GPR141: variants seen among roughly 807,000 people sequenced by gnomAD.
GPR141 encodes the protein G protein-coupled receptor 141, also known as probable G protein-coupled receptor 141.
A neutral mutation model predicts 6.8 loss-of-function variants in GPR141; 6 were observed. The observed-to-expected ratio is 0.88, with a 90% CI of 0.48 to 1.74. The LOEUF (loss-of-function observed/expected upper bound fraction) is 1.74. Ranked by LOEUF, GPR141 falls within the 40% of genes most tolerant of loss-of-function variation. The pLI, the probability that GPR141 is intolerant of heterozygous loss-of-function variation, is 0.01. For synonymous variants in GPR141, 140 were observed against 142.3 expected, an observed-to-expected ratio of 0.98 and a Z score of 0.11; for missense variants, 372 against 372.9, an observed-to-expected ratio of 1.00 and a Z score of 0.02.
chr7:37,735,035 C>A (rs1812166380), intron 2 of GPR141, among the ~76,000 whole-genome samples: 2 of 152,150 alleles, frequency 1.3e-5, no homozygotes, highest in South Asian at 4.1e-4. Context: ...CAATTAATTT[C>A]AAGACTGTAA....
chr7:37,699,204 T>C (rs1325359316), intron 2 of GPR141, among the ~76,000 whole-genome samples: 2 of 152,186 alleles, frequency 1.3e-5, no homozygotes, highest in Non-Finnish European at 2.9e-5. Context: ...CTGTGGGCCA[T>C]AAAGTTTGTA....
chr7:37,742,824 C>G lies in GPR141; in HGVS notation c.*1513C>G, dbSNP rs756161505. On this transcript the variant is annotated 3_prime_UTR_variant, in exon 3 of 3. Transcript: ENST00000334425. ...GACACATGTTTACCTATGTAACAAA[C>G]CTGCACATGTACCCCTGAACTTAAA... Among the ~76,000 whole-genome samples, 9 of 152,058 alleles carry G rather than the reference C, an allele frequency of 5.9e-5. No individual in the cohort carries two copies. The highest frequency in any genetic ancestry group is 5.9e-4 in the Admixed American group (9 of 15,266).
chr7:37,741,321 A>G lies in GPR141; in HGVS notation c.*10A>G. On this transcript the variant is annotated 3_prime_UTR_variant, in exon 3 of 3. Coordinates refer to ENST00000334425, the MANE Select transcript of GPR141 (RefSeq NM_001381946.1). The stretch of plus-strand genomic sequence containing the variant: ...TGTTTTGTGCCGTTAGCCACAAACT[A>G]CAGTATTCATATTTGCTTCCTTTAT... 1.3e-6 allele frequency: 2 copies of G among 1,552,770 alleles called. No individual in the cohort carries two copies. Among genetic ancestry groups the G allele is most frequent in the Non-Finnish European group, 1.7e-6 (2 of 1,146,222 alleles).
intron 2 of GPR141, among the ~76,000 whole-genome samples, chr7:37,731,909 C>A (rs1165382926): frequency 6.6e-6 from 1 of 151,984 alleles, no homozygotes; most frequent in Non-Finnish European, 1.5e-5. Flanking sequence ...TGCTGGGGAG[C>A]CATCTTGGGA....
rs1408097796 is a variant in GPR141, at chr7:37,740,694, C to T, written c.301C>T (p.Leu101Phe). Residue 101 changes from leucine to phenylalanine, a missense_variant, in exon 3 of 3, where the codon CTC becomes TTC. By Grantham distance (22) the Leu-to-Phe change is conservative. Coordinates refer to ENST00000334425, the MANE Select transcript of GPR141 (RefSeq NM_001381946.1). ...VSAMLHIHMYLTFLFYVVILV... is the reference protein window; with the variant it reads ...VSAMLHIHMYFTFLFYVVILV... ...TGCCATGCTGCACATCCACATGTAC[C>T]TCACGTTCCTATTCTATGTGGTGAT... is the stretch of plus-strand genomic sequence containing the variant. 1.9e-6 allele frequency: 3 copies of T among 1,614,104 alleles called. No individual in the cohort carries two copies. Among genetic ancestry groups the T allele is most frequent in the South Asian group, 1.1e-5 (1 of 91,078 alleles).
chr7:37,688,895 T>G (rs1039516172), intron 2 of GPR141, among the ~76,000 whole-genome samples: 3 of 152,166 alleles, frequency 2.0e-5, no homozygotes, highest in South Asian at 4.1e-4. Flanking sequence ...CTTTTAAAAA[T>G]TATTATTATG....
chr7:37,722,903 G>C (rs1452608027), intron 2 of GPR141, among the ~76,000 whole-genome samples: 1 of 149,970 alleles, frequency 6.7e-6, no homozygotes, highest in African/African-American at 2.5e-5. Context: ...GAAAAATTCT[G>C]TTCTAATTTT....
intron 2 of GPR141, among the ~76,000 whole-genome samples, chr7:37,691,861 A>G (rs1205684710): frequency 6.6e-6 from 1 of 152,074 alleles, no homozygotes; most frequent in Admixed American, 6.6e-5. Flanking sequence ...CTGGCCTGTT[A>G]GATTTCTCTT....
chr7:37,724,280 A>G (rs1270078659), intron 2 of GPR141, among the ~76,000 whole-genome samples: 1 of 152,104 alleles, frequency 6.6e-6, no homozygotes, highest in East Asian at 1.9e-4. Flanking sequence ...GAAACTGCCT[A>G]AAAAATATAT....
chr7:37,714,508 A>G (rs1410059880), intron 2 of GPR141, among the ~76,000 whole-genome samples: 1 of 152,192 alleles, frequency 6.6e-6, no homozygotes, highest in Non-Finnish European at 1.5e-5. Flanking sequence ...GTTCTAGAGT[A>G]TTGGGTTTAT....
rs192684124 is a variant in GPR141 at position 37,730,278 on chromosome 7, C to T, written c.-14-10102C>T. On this transcript the variant is annotated intron_variant, in intron 2 of 2. Coordinates refer to ENST00000334425, the MANE Select transcript of GPR141 (RefSeq NM_001381946.1). The stretch of plus-strand genomic sequence containing the variant: ...ATACCATGTTCCAAATTCTGAGCTA[C>T]GGCACATGCTATATTTTTCTACAAA... 2.9e-3 allele frequency among the ~76,000 whole-genome samples: 442 copies of T among 152,244 alleles called. 2 individuals are homozygous for T. The highest frequency in any genetic ancestry group is 0.01 in the African/African-American group (418 of 41,534).
At chr7:37,686,007 A>C (rs1268443378) in intron 2 of GPR141, among the ~76,000 whole-genome samples, 4 of 151,906 alleles carry the variant, frequency 2.6e-5, no homozygotes, top group African/African-American at 9.7e-5. Context: ...ATGTTAAAAA[A>C]TATATTTTTG....
In GPR141 at chr7:37,741,271, A is replaced by G. The variant is rs1290886369; in HGVS notation, c.878A>G (p.Gln293Arg). The G allele has an allele frequency of 5.0e-6, 8 of 1,602,896 alleles. No homozygotes were observed. In the East Asian group the frequency reaches 1.1e-4, roughly 22 times the overall value. Residue 293 changes from glutamine (Q) to arginine (R), a missense_variant, in exon 3 of 3, where the codon CAA (glutamine) becomes CGA (arginine). Coordinates refer to ENST00000334425, the MANE Select transcript of GPR141 (RefSeq NM_001381946.1). The stretch of plus-strand genomic sequence containing the variant: ...TTTGGGGGAAGCCATTGGTTTAAGC[A>G]AAAGATAATTGGCTTATGGAATTGT... The part of the protein sequence containing the change: ...FVFGGSHWFK[Q>R]KIIGLWNCVL...
At chr7:37,703,548 C>T (rs550867477) in intron 2 of GPR141, among the ~76,000 whole-genome samples, 1 of 152,292 alleles carries the variant, frequency 6.6e-6, no homozygotes, top group Admixed American at 6.5e-5. Context: ...CTTACAGGAA[C>T]ATAGCATAGT....
chr7:37,727,340 T>C (rs1811684344), intron 2 of GPR141, among the ~76,000 whole-genome samples: 1 of 152,210 alleles, frequency 6.6e-6, no homozygotes, highest in Non-Finnish European at 1.5e-5. Flanking sequence ...AGCTTTTCTT[T>C]TAAATCTTCC....
intron 2 of GPR141, among the ~76,000 whole-genome samples, chr7:37,728,553 G>A (rs569481736): frequency 6.6e-6 from 1 of 152,012 alleles, no homozygotes; most frequent in African/African-American, 2.4e-5. Flanking sequence ...CTCTACCATA[G>A]GTTTCTTATA....
intron 2 of GPR141, among the ~76,000 whole-genome samples, chr7:37,723,940 A>G (rs1811484305): frequency 6.6e-6 from 1 of 152,242 alleles, no homozygotes. Flanking sequence ...ACATTTCAAT[A>G]TCTGCAGACC....
rs917152366 is a variant in GPR141 at position 37,728,084 on chromosome 7, A to G, written c.-14-12296A>G. Among the ~76,000 whole-genome samples the G allele has an allele frequency of 3.9e-5, 6 of 152,164 alleles. No homozygotes were observed. In the East Asian group the frequency reaches 7.7e-4, roughly 20 times the overall value. Reference sequence around the variant, plus strand: ...CCTCCTCTCTACATCTAGAACTTCAATGCACCCTTCAAGATCCAGTAACTG... The same window carrying G: ...CCTCCTCTCTACATCTAGAACTTCAGTGCACCCTTCAAGATCCAGTAACTG... On this transcript the variant is annotated intron_variant, in intron 2 of 2. Transcript: ENST00000334425.
chr7:37,731,100 T>C (rs190003331), intron 2 of GPR141, among the ~76,000 whole-genome samples: 34 of 152,340 alleles, frequency 2.2e-4, no homozygotes, highest in Non-Finnish European at 4.4e-5. Flanking sequence ...CCCTGGAGGA[T>C]AAATGTGACA....
Sources: allele counts gnomAD v4.1 joint callset (sites outside exome capture counted in the v4.1 genomes callset), GRCh38; gene constraint gnomAD v4.1.1; transcripts MANE v1.5; gene names NCBI Gene and HGNC (gene_info 2026-07-23, HGNC 2026-07-21).